C1orf21: variants seen among roughly 807,000 people sequenced by gnomAD.
C1orf21 encodes the protein uncharacterized protein C1orf21.
Under a neutral mutation model 18.7 loss-of-function variants are expected in C1orf21, and 3 were observed. The observed-to-expected ratio is 0.16, with a 90% CI of 0.07 to 0.42. The LOEUF (loss-of-function observed/expected upper bound fraction) is 0.42. C1orf21 is among the 10% of genes least tolerant of loss of function. The pLI, the probability that C1orf21 is intolerant of heterozygous loss-of-function variation, is 0.99. For synonymous variants in C1orf21, 41 were observed against 46.4 expected, an observed-to-expected ratio of 0.88 and a Z score of 0.47; for missense variants, 104 against 143.6, an observed-to-expected ratio of 0.72 and a Z score of 1.41.
At chr1:184,410,225 G>A (rs1414190916) in intron 1 of C1orf21, among the ~76,000 whole-genome samples, 1 of 152,086 alleles carries the variant, frequency 6.6e-6, no homozygotes, top group Non-Finnish European at 1.5e-5. Flanking sequence ...TCTGTGTCTG[G>A]GTAGGTGAAG....
chr1:184,617,900 TG>T (rs1445458628), intron 5 of C1orf21, among the ~76,000 whole-genome samples: 3 of 125,552 alleles, frequency 2.4e-5, no homozygotes, highest in African/African-American at 6.8e-5. Context: ...AGTTTGTTGT[TG>T]TTGTTTTTTT....
Position 184,424,060 on chromosome 1 carries a change from C to T in C1orf21, c.-125+36692C>T, listed in dbSNP as rs1656591866. On this transcript the variant is annotated intron_variant, in intron 1 of 5. Transcript: ENST00000235307. ...ATTATTGTTGGAAAGTTCTTTTTTC[C>T]TTGGATTGAGTGAAATCTCCTTTAT... Among the ~76,000 whole-genome samples, 18 of 152,206 alleles carry T rather than the reference C, an allele frequency of 1.2e-4. No homozygotes were observed. The South Asian group carries it at 3.1e-3, about 26-fold the overall frequency.
intron 5 of C1orf21, among the ~76,000 whole-genome samples, chr1:184,602,984 G>A (rs1455421357): frequency 6.6e-6 from 1 of 152,090 alleles, no homozygotes; most frequent in Admixed American, 6.5e-5. Flanking sequence ...AACTTTGTTG[G>A]GCCTTGTACA....
rs149236528 is a variant in C1orf21 at position 184,583,289 on chromosome 1, G to A, written c.190-7450G>A. Among the ~76,000 whole-genome samples the A allele has an allele frequency of 8.5e-5, 13 of 152,152 alleles. No homozygotes were observed. The East Asian group carries it at 2.5e-3, about 29-fold the overall frequency. ...CAGAGAAACTAAGAAGAGAATGATC[G>A]GTTTACTCTAGACACTGACAAGTAT... On this transcript the variant is annotated intron_variant, in intron 3 of 5. Transcript: ENST00000235307.
intron 2 of C1orf21, among the ~76,000 whole-genome samples, chr1:184,483,954 C>T (rs1657694675): frequency 6.6e-6 from 1 of 151,886 alleles, no homozygotes; most frequent in African/African-American, 2.4e-5. Flanking sequence ...GATGGAATCT[C>T]ACTCCATCGC....
intron 1 of C1orf21, among the ~76,000 whole-genome samples, chr1:184,411,295 C>T (rs868689558): frequency 1.3e-5 from 2 of 151,488 alleles, no homozygotes; most frequent in East Asian, 1.9e-4. Context: ...TTTATTTGTT[C>T]TTTGTAGTAG....
At chr1:184,457,768 T>C (rs2101982322) in intron 1 of C1orf21, among the ~76,000 whole-genome samples, 1 of 152,316 alleles carries the variant, frequency 6.6e-6, no homozygotes, top group East Asian at 1.9e-4. Flanking sequence ...TGAGATTGCA[T>C]CAGCTTTGAG....
At chr1:184,539,749 C>T (rs562764993) in intron 3 of C1orf21, among the ~76,000 whole-genome samples, 17 of 152,278 alleles carry the variant, frequency 1.1e-4, no homozygotes, top group Admixed American at 9.2e-4. Flanking sequence ...GGTCCATGGG[C>T]ACTTCTTTGC....
chr1:184,498,261 G>A (rs1657922366), intron 2 of C1orf21, among the ~76,000 whole-genome samples: 1 of 152,164 alleles, frequency 6.6e-6, no homozygotes, highest in Non-Finnish European at 1.5e-5. Context: ...TGTTATCTGA[G>A]AATTTTTCAT....
chr1:184,471,859 A>C (rs1657501066), intron 1 of C1orf21, among the ~76,000 whole-genome samples: 1 of 152,156 alleles, frequency 6.6e-6, no homozygotes, highest in South Asian at 2.1e-4. Context: ...GAGGTGAGGA[A>C]TGAATGTGTT....
chr1:184,396,373 A>G (rs1007376332), intron 1 of C1orf21, among the ~76,000 whole-genome samples: 4 of 152,116 alleles, frequency 2.6e-5, no homozygotes, highest in Admixed American at 1.3e-4. Context: ...AAGGGGACAG[A>G]CAGAAGAAGG....
At chr1:184,514,026 G>A (rs1431079326) in intron 3 of C1orf21, among the ~76,000 whole-genome samples, 1 of 152,226 alleles carries the variant, frequency 6.6e-6, no homozygotes. Context: ...GCTACGTGCG[G>A]TGGCTCATGC....
intron 3 of C1orf21, among the ~76,000 whole-genome samples, chr1:184,582,609 G>A (rs1329045608): frequency 1.3e-5 from 2 of 152,176 alleles, no homozygotes; most frequent in African/African-American, 2.4e-5. Flanking sequence ...CCCAGAAAAA[G>A]AAAATGAGAT....
chr1:184,597,301 G>A (rs1224756295), intron 4 of C1orf21, among the ~76,000 whole-genome samples: 1 of 152,172 alleles, frequency 6.6e-6, no homozygotes, highest in African/African-American at 2.4e-5. Flanking sequence ...CCGAGTTAAT[G>A]TCATTGCTCA....
intron 5 of C1orf21, among the ~76,000 whole-genome samples, chr1:184,611,171 G>A (rs537637017): frequency 4.6e-5 from 7 of 152,270 alleles, no homozygotes; most frequent in East Asian, 1.9e-4. Flanking sequence ...TTAATGCCTC[G>A]ATTGATTTTT....
At chr1:184,486,956 T>C (rs778988640) in intron 2 of C1orf21, among the ~76,000 whole-genome samples, 1 of 152,196 alleles carries the variant, frequency 6.6e-6, no homozygotes, top group Non-Finnish European at 1.5e-5. Context: ...TCTGTAGCAG[T>C]GGAGACCTGC....
At chr1:184,523,519 A>G (rs977072359) in intron 3 of C1orf21, among the ~76,000 whole-genome samples, 1 of 152,208 alleles carries the variant, frequency 6.6e-6, no homozygotes, top group Admixed American at 6.5e-5. Flanking sequence ...AAGGTGACAC[A>G]GCAATTAAAT....
At chr1:184,460,628 CTT>C (rs1657289550) in intron 1 of C1orf21, among the ~76,000 whole-genome samples, 1 of 42,128 alleles carries the variant, frequency 2.4e-5, no homozygotes, top group Non-Finnish European at 6.8e-5. Flanking sequence ...TCGTCTTCTT[CTT>C]CTTCTTCTTC....
chr1:184,514,352 TTTAATGTATA>T (rs1201278755), intron 3 of C1orf21, among the ~76,000 whole-genome samples: 2 of 152,162 alleles, frequency 1.3e-5, no homozygotes, highest in African/African-American at 4.8e-5. Flanking sequence ...AAATCATATA[TTTAATGTATA>T]TATACCTTTA....
Sources: allele counts gnomAD v4.1 joint callset (sites outside exome capture counted in the v4.1 genomes callset), GRCh38; gene constraint gnomAD v4.1.1; transcripts MANE v1.5; gene names NCBI Gene and HGNC (gene_info 2026-07-23, HGNC 2026-07-21).